The following KLRB1 variants were observed in gnomAD, a reference collection of about 807,000 sequenced individuals.
KLRB1 encodes the protein killer cell lectin like receptor B1, also known as killer cell lectin-like receptor subfamily B member 1.
Under a neutral mutation model 33.5 loss-of-function variants are expected in KLRB1, and 27 were observed. The ratio of observed to expected loss-of-function variants is 0.81; its 90% CI spans 0.59 to 1.11. The LOEUF (loss-of-function observed/expected upper bound fraction) is 1.11, where lower values mean the gene tolerates loss of function less well. Among genes scored for constraint, KLRB1 ranks in the 50% most tolerant of loss-of-function variants. KLRB1 has a pLI of 0.00. For missense variants in KLRB1, 241 were observed against 254.1 expected (o/e 0.95, Z 0.35); for synonymous variants, 64 against 88.9 (o/e 0.72, Z 1.58).
intron 5 of KLRB1, among the ~76,000 whole-genome samples, chr12:9,595,979 A>T (rs1263784772): frequency 6.6e-6 from 1 of 152,198 alleles, no homozygotes; most frequent in Non-Finnish European, 1.5e-5. Flanking sequence ...TTCTCATTCC[A>T]AACAGAGGTG....
chr12:9,604,736 A>T (rs1295277711), intron 1 of KLRB1, among the ~76,000 whole-genome samples: 3 of 152,032 alleles, frequency 2.0e-5, no homozygotes, highest in Non-Finnish European at 4.4e-5. Context: ...CCGAAAGTTA[A>T]ATCCTATATT....
In KLRB1 at chr12:9,595,363, C is replaced by A; in HGVS notation, c.589G>T (p.Val197Leu). The A allele has an allele frequency of 6.2e-7, 1 of 1,613,110 alleles. No individual in the cohort carries two copies. Among genetic ancestry groups the A allele is most frequent in the Non-Finnish European group, 8.5e-7 (1 of 1,179,334 alleles). Residue 197 changes from valine (V) to leucine (L), a missense_variant, in exon 6 of 6, where the codon GTG becomes TTG. Physicochemically the swap from Val to Leu is conservative, Grantham distance 32 (BLOSUM62 1). Coordinates refer to ENST00000229402, the MANE Select transcript of KLRB1 (RefSeq NM_002258.3). The part of the protein sequence containing the change: ...NSCISISQTS[V>L]YSEYCSTEIR... ...TCTGTACTACAGTACTCAGAATACA[C>A]AGATGTCTGTGAGATGGAAATACAG...
intron 1 of KLRB1, among the ~76,000 whole-genome samples, chr12:9,603,425 C>CTATT (rs56793467): frequency 0.35 from 52,847 of 150,350 alleles, 9,632 homozygotes; most frequent in East Asian, 0.52. Context: ...TAACTTAATT[C>CTATT]TATTTATTTA....
intron 1 of KLRB1, among the ~76,000 whole-genome samples, chr12:9,606,751 TA>T (rs1391003962): frequency 1.5e-4 from 5 of 33,480 alleles, no homozygotes; most frequent in African/African-American, 5.0e-4. Flanking sequence ...TATATATATA[TA>T]TATATATATT....
At chr12:9,607,271 C>T (rs10844164) in intron 1 of KLRB1, among the ~76,000 whole-genome samples, 16 of 8,826 alleles carry the variant, frequency 1.8e-3, no homozygotes, top group African/African-American at 2.8e-3. Context: ...TCTTTCCTTT[C>T]CTTTCTCTCT....
intron 3 of KLRB1, 133 bp downstream of exon 3, chr12:9,599,634 A>G (rs1348377661): frequency 2.8e-6 from 2 of 706,104 alleles, no homozygotes; most frequent in Admixed American, 2.3e-5. Flanking sequence ...TTATGTCTCA[A>G]TTTTCTAATC....
intron 2 of KLRB1, 39 bp downstream of exon 2, chr12:9,601,462 G>T (rs1565442791): frequency 5.6e-6 from 8 of 1,426,168 alleles, no homozygotes; most frequent in Non-Finnish European, 7.9e-6. Context: ...AATGGAAGTA[G>T]AGTAAGTATT....
intron 5 of KLRB1, among the ~76,000 whole-genome samples, chr12:9,595,657 A>G (rs759511013): frequency 3.9e-5 from 6 of 152,286 alleles, no homozygotes; most frequent in Admixed American, 2.0e-4. Flanking sequence ...AAACTTCACA[A>G]TTACATTAAA....
chr12:9,606,758 A>ATTTTTTTTTTTTTTT (rs1285915836), intron 1 of KLRB1, among the ~76,000 whole-genome samples: 9 of 65,902 alleles, frequency 1.4e-4, no homozygotes, highest in African/African-American at 2.8e-4. Context: ...ATATATATAT[A>ATTTTTTTTTTTTTTT]TATTTTTTTT....
intron 1 of KLRB1, among the ~76,000 whole-genome samples, chr12:9,602,560 C>G (rs1290845411): frequency 6.6e-6 from 1 of 152,010 alleles, no homozygotes; most frequent in African/African-American, 2.4e-5. Context: ...GCTCCCCTAT[C>G]TCTGATTTAA....
At position 9,595,189 on chromosome 12, in the gene KLRB1, A is replaced by G. The variant is rs1408531031; in HGVS notation, c.*85T>C. 6 of 1,141,800 alleles carry G rather than the reference A, an allele frequency of 5.3e-6. No homozygotes were observed. Among genetic ancestry groups the G allele is most frequent in the Non-Finnish European group, 7.6e-6 (6 of 787,472 alleles). 70.7% of individuals were successfully genotyped at this position (1,141,800 alleles called of 1,614,324 possible). A position where few individuals can be genotyped will look rare whatever the true frequency, so the allele number is the denominator to read the frequency against. ...TTCACTTTGTGCCACTAAATGTGGC[A>G]CTATTAGGTAGTACCAATAGTATGT... On this transcript the variant is annotated 3_prime_UTR_variant, in exon 6 of 6. Coordinates refer to ENST00000229402, the MANE Select transcript of KLRB1 (RefSeq NM_002258.3).
chr12:9,607,670 G>A (rs1267692829), intron 1 of KLRB1, 85 bp downstream of exon 1: 3 of 901,132 alleles, frequency 3.3e-6, no homozygotes, highest in Non-Finnish European at 3.7e-6. Flanking sequence ...CATCTTTAAA[G>A]CAATGATTTA....
intron 1 of KLRB1, among the ~76,000 whole-genome samples, chr12:9,603,603 T>A (rs1476939530): frequency 0.012 from 1,853 of 150,576 alleles, 42 homozygotes; most frequent in African/African-American, 0.043. Context: ...TTTGTATTTT[T>A]TTTTTTTTTT....
intron 1 of KLRB1, among the ~76,000 whole-genome samples, chr12:9,607,240 CT>C (rs1409633582): frequency 1.1e-4 from 6 of 52,870 alleles, no homozygotes; most frequent in African/African-American, 2.3e-4. Flanking sequence ...TCCTTCCTTC[CT>C]TCCTCCTTCT....
rs1305119242 is a variant in KLRB1 at position 9,607,368 on chromosome 12, C to CTTTCTTTCTT, written c.85+377_85+386dup. On this transcript the variant is annotated intron_variant, in intron 1 of 5. Coordinates refer to ENST00000229402, the MANE Select transcript of KLRB1 (RefSeq NM_002258.3). Reference sequence around the variant, plus strand: ...TCTTTCTTTCTTCCTTTCTTTCTTTCTTTCTTTCTTTCTTTCTTTCTTTCT... The same window carrying CTTTCTTTCTT: ...TCTTTCTTTCTTCCTTTCTTTCTTTCTTTCTTTCTTTTTCTTTCTTTCTTTCTTTCTTTCT... 6.2e-3 allele frequency among the ~76,000 whole-genome samples: 442 copies of CTTTCTTTCTT among 71,650 alleles called. 10 individuals are homozygous for CTTTCTTTCTT. The highest frequency in any genetic ancestry group is 0.012 in the Non-Finnish European group (378 of 32,818). The allele number at this position is 71,650 out of a possible 152,430, so 47.0% of individuals were successfully genotyped here. A position where few individuals can be genotyped will look rare whatever the true frequency, so the allele number is the denominator to read the frequency against.
intron 1 of KLRB1, among the ~76,000 whole-genome samples, chr12:9,606,751 TATA>T (rs1195523010): frequency 3.0e-5 from 1 of 33,484 alleles, no homozygotes; most frequent in African/African-American, 1.3e-4. Context: ...TATATATATA[TATA>T]TATATATTTT....
intron 2 of KLRB1, 75 bp from the exon 3 acceptor site, chr12:9,599,916 T>G: frequency 1.2e-6 from 1 of 827,896 alleles, no homozygotes; most frequent in Non-Finnish European, 2.1e-6. Context: ...TTTGTTACTT[T>G]AGGAAACTAG....
At position 9,607,805 on chromosome 12, in the gene KLRB1, A is replaced by T. The variant is rs745619917; in HGVS notation, c.35T>A (p.Leu12Ter). 1 of 1,613,772 alleles carries T rather than the reference A, an allele frequency of 6.2e-7. No homozygotes were observed. Among genetic ancestry groups the T allele is most frequent in the South Asian group, 1.1e-5 (1 of 91,058 alleles). The change falls in exon 1 of 6, where the codon TTA (leucine) becomes TAA (stop). Residue 12 changes from leucine (L) to a stop codon, truncating the protein, a stop_gained. Transcript: ENST00000229402. LOFTEE classifies it high-confidence loss of function. ...DQQAIYAELNLPTDSGPESSS... is the reference protein window; with the variant it reads ...DQQAIYAELN ...ACTTTCTGGGCCTGAGTCTGTGGGT[A>T]AGTTTAACTCAGCATATATTGCTTG...
At chr12:9,607,449 G>A (rs748204893) in intron 1 of KLRB1, among the ~76,000 whole-genome samples, 88 of 131,334 alleles carry the variant, frequency 6.7e-4, no homozygotes, top group African/African-American at 2.5e-3. Flanking sequence ...TCCCTGTAGA[G>A]CAGGGGTAAC....
Sources: allele counts gnomAD v4.1 joint callset (sites outside exome capture counted in the v4.1 genomes callset), GRCh38; gene constraint gnomAD v4.1.1; transcripts MANE v1.5; gene names NCBI Gene and HGNC (gene_info 2026-07-23, HGNC 2026-07-21).